KAZN: variants seen among roughly 807,000 people sequenced by gnomAD.
KAZN encodes the protein kazrin, periplakin interacting protein, also known as kazrin.
A neutral mutation model predicts 87.4 loss-of-function variants in KAZN; 40 were observed. The observed-to-expected ratio is 0.46, with a 90% CI of 0.36 to 0.60. The LOEUF is 0.60. Among genes scored for constraint, KAZN ranks in the 20% least tolerant of loss-of-function variants. KAZN has a pLI of 0.00. For missense variants in KAZN, 898 were observed against 1,073.9 expected, an observed-to-expected ratio of 0.84 and a Z score of 2.29; for synonymous variants, 466 against 458.3, an observed-to-expected ratio of 1.02 and a Z score of -0.22.
chr1:14,834,008 C>T (rs1557537559), intron 1 of KAZN, among the ~76,000 whole-genome samples: 4 of 126,304 alleles, frequency 3.2e-5, no homozygotes, highest in Admixed American at 1.6e-4. Context: ...CACACACACA[C>T]ATACACACAC....
chr1:15,012,277 G>A (rs1487735453), intron 2 of KAZN, among the ~76,000 whole-genome samples: 3 of 152,138 alleles, frequency 2.0e-5, no homozygotes, highest in Non-Finnish European at 4.4e-5. Flanking sequence ...TTTCCTGCTG[G>A]TAGAGAAAGG....
intron 2 of KAZN, among the ~76,000 whole-genome samples, chr1:14,280,964 C>A (rs1190494557): frequency 1.3e-5 from 2 of 152,184 alleles, no homozygotes; most frequent in South Asian, 2.1e-4. Context: ...CAGTACACAG[C>A]CAGGATTCAA....
chr1:14,277,981 T>C (rs1487004074), intron 2 of KAZN, among the ~76,000 whole-genome samples: 1 of 151,804 alleles, frequency 6.6e-6, no homozygotes. Context: ...TTATTTACAT[T>C]CTTAGGCAGT....
In KAZN at chr1:14,997,757, G is replaced by A. The variant is rs532666311; in HGVS notation, c.418+36882G>A. Among the ~76,000 whole-genome samples, 3 of 152,256 alleles carry A rather than the reference G, an allele frequency of 2.0e-5. No individual in the cohort carries two copies. The East Asian group carries it at 5.8e-4, about 30-fold the overall frequency. On this transcript the variant is annotated intron_variant, in intron 2 of 14. Transcript: ENST00000376030. ...TTGGCAGCAGGGTTCAGAGCCTCAT[G>A]GCTGATCAGGACCTGGGCACCTGGG...
At chr1:14,836,886 A>G (rs1647314044) in intron 1 of KAZN, among the ~76,000 whole-genome samples, 1 of 152,086 alleles carries the variant, frequency 6.6e-6, no homozygotes, top group African/African-American at 2.4e-5. Context: ...CATCTCCCCA[A>G]AGTACTTGAA....
intron 2 of KAZN, among the ~76,000 whole-genome samples, chr1:14,488,542 G>A (rs772685270): frequency 6.6e-6 from 1 of 152,120 alleles, no homozygotes; most frequent in Non-Finnish European, 1.5e-5. Flanking sequence ...TTGTAATAGT[G>A]GCAACCTCAT....
chr1:15,031,568 TTGTGTTGTGTTGTGTTGTG>T (rs1385085481), intron 2 of KAZN, among the ~76,000 whole-genome samples: 2 of 146,164 alleles, frequency 1.4e-5, no homozygotes, highest in African/African-American at 5.5e-5. Context: ...TTGTGTTGTG[TTGTGTTGTGTTGTGTTGTG>T]TTGTGTTGTG....
intron 2 of KAZN, among the ~76,000 whole-genome samples, chr1:14,197,844 C>G (rs1428970750): frequency 6.6e-6 from 1 of 152,018 alleles, no homozygotes; most frequent in Non-Finnish European, 1.5e-5. Context: ...CATGAGCGTT[C>G]TAAAAAACAA....
chr1:14,343,002 G>A (rs771267923), intron 2 of KAZN, among the ~76,000 whole-genome samples: 16 of 152,092 alleles, frequency 1.1e-4, no homozygotes, highest in Admixed American at 7.9e-4. Context: ...TTAGCCTGGC[G>A]TGGTGGCAGG....
chr1:14,350,133 CAAA>C (rs111546286), intron 2 of KAZN, among the ~76,000 whole-genome samples: 8 of 100,486 alleles, frequency 8.0e-5, no homozygotes, highest in African/African-American at 1.5e-4. Flanking sequence ...GACTCCATCT[CAAA>C]AAAAAAAAAA....
At chr1:13,915,658 G>C (rs1363650326) in intron 1 of KAZN, among the ~76,000 whole-genome samples, 2 of 152,204 alleles carry the variant, frequency 1.3e-5, no homozygotes, top group African/African-American at 4.8e-5. Flanking sequence ...CCTATCTGGT[G>C]ACCATTCCAG....
At chr1:15,010,170 T>C (rs1557712714) in intron 2 of KAZN, among the ~76,000 whole-genome samples, 2 of 152,246 alleles carry the variant, frequency 1.3e-5, no homozygotes, top group African/African-American at 2.4e-5. Flanking sequence ...AACATGTTGT[T>C]TGTCTGGTAG....
rs182136353 is a variant in KAZN at position 14,194,535 on chromosome 1, C to T, written c.249+13943C>T. Among the ~76,000 whole-genome samples, 202 of 152,252 alleles carry T rather than the reference C, an allele frequency of 1.3e-3. 2 individuals carry two copies. The East Asian group carries it at 0.019, about 15-fold the overall frequency. On this transcript the variant is annotated intron_variant, in intron 2 of 16. Transcript: ENST00000636203. ...GCCCTTTCCCCATCGTTGTCTGTGT[C>T]CCCAGACCCATCCTCTCCCAGCAGT...
rs935878324 is a variant in KAZN at position 15,027,134 on chromosome 1, T to G, written c.419-7615T>G. The stretch of plus-strand genomic sequence containing the variant: ...TCTCGCTCTGTCGCCCAGGCTGGAG[T>G]GCAGTGGCGCGATCTCGGCTCACTG... On this transcript the variant is annotated intron_variant, in intron 2 of 14. Transcript: ENST00000376030. Among the ~76,000 whole-genome samples, 32 of 122,952 alleles carry G rather than the reference T, an allele frequency of 2.6e-4. 1 individual carries two copies. The highest frequency in any genetic ancestry group is 3.5e-4 in the Non-Finnish European group (22 of 62,464). The allele number at this position is 122,952 out of a possible 152,430, so 80.7% of individuals were successfully genotyped here.
chr1:14,140,064 A>G (rs532555447), intron 1 of KAZN, among the ~76,000 whole-genome samples: 1 of 152,112 alleles, frequency 6.6e-6, no homozygotes, highest in Non-Finnish European at 1.5e-5. Flanking sequence ...GTCTTCAAAA[A>G]TGAGTCTGGC....
chr1:14,759,121 T>C (rs976311223), intron 1 of KAZN, among the ~76,000 whole-genome samples: 2 of 152,186 alleles, frequency 1.3e-5, no homozygotes, highest in Non-Finnish European at 2.9e-5. Context: ...TAGTTGAGTC[T>C]TGTTAGACTT....
intron 1 of KAZN, among the ~76,000 whole-genome samples, chr1:14,715,448 A>G (rs1444954988): frequency 6.6e-6 from 1 of 152,226 alleles, no homozygotes; most frequent in Non-Finnish European, 1.5e-5. Flanking sequence ...CTGGCAGCGA[A>G]GCTGTTTCCT....
At chr1:14,881,388 G>C (rs1653321379) in intron 1 of KAZN, among the ~76,000 whole-genome samples, 1 of 152,208 alleles carries the variant, frequency 6.6e-6, no homozygotes, top group South Asian at 2.1e-4. Flanking sequence ...GGGTGAGGAA[G>C]AGAAGTGGAA....
At chr1:14,036,721 C>T (rs1570583267) in intron 1 of KAZN, among the ~76,000 whole-genome samples, 1 of 151,972 alleles carries the variant, frequency 6.6e-6, no homozygotes. Context: ...ACCTAGAACC[C>T]GATCATCTAG....
Sources: allele counts gnomAD v4.1 joint callset (sites outside exome capture counted in the v4.1 genomes callset), GRCh38; gene constraint gnomAD v4.1.1; transcripts MANE v1.5; gene names NCBI Gene and HGNC (gene_info 2026-07-23, HGNC 2026-07-21).